The following FUT5 variants were observed in gnomAD, a reference collection of about 807,000 sequenced individuals.
FUT5 encodes the protein fucosyltransferase 5, also known as 4-galactosyl-N-acetylglucosaminide 3-alpha-L-fucosyltransferase FUT5.
FUT5 carries 1 observed loss-of-function variant against 0.8 expected under a neutral mutation model. The observed-to-expected ratio is 1.26, with a 90% CI of 0.45 to 5.99. The LOEUF is 5.99. FUT5 is among the 30% of genes most tolerant of loss of function. The pLI is 0.15. For missense variants in FUT5, 437 were observed against 517.8 expected, an observed-to-expected ratio of 0.84 and a Z score of 1.51; for synonymous variants, 212 against 225.7, an observed-to-expected ratio of 0.94 and a Z score of 0.54.
In FUT5 at chr19:5,867,179, C is replaced by G. The variant is rs62625020; in HGVS notation, c.547G>C (p.Gly183Arg). 8.2e-5 allele frequency: 132 copies of G among 1,612,336 alleles called. No homozygotes were observed. The highest frequency in any genetic ancestry group is 1.1e-4 in the Non-Finnish European group (124 of 1,179,780). Residue 183 changes from glycine to arginine, a missense_variant, in exon 2 of 2, where the codon GGC (glycine) becomes CGC (arginine). Gly to Arg is a moderately radical substitution (Grantham distance 125). This residue lies in a region of FUT5 where 176 missense variants were observed against 275.2 expected (regional missense o/e 0.64). Transcript: ENST00000588525. The surrounding 1 kb of genome is among the most constrained non-coding windows in gnomAD (Gnocchi z 5.0). ...RSDSDIFTPY[G>R]WLEPWSGQPA... ...TGGCCGGACCACGGCTCCAGCCAGC[C>G]GTAGGGCGTGAAGATGTCGGAGTCG...
At position 5,866,701 on chromosome 19, in the gene FUT5, C is replaced by G. The variant is rs757206885; in HGVS notation, c.1025G>C (p.Arg342Pro). ...YFHWRETLRP[R>P]SFSWALAFCK... ...GAAAGCCAGTGCCCAGCTGAAGGAG[C>G]GAGGCCGCAGCGTCTCCCGCCAGTG... The change falls in exon 2 of 2, where the codon CGC (arginine) becomes CCC (proline). Residue 342 changes from arginine (R) to proline (P), a missense_variant. Physicochemically the swap from Arg to Pro is moderately radical, Grantham distance 103 (BLOSUM62 -2). Transcript: ENST00000588525. This position sits in a 1 kb window ranked among gnomAD's most constrained non-coding sequence, Gnocchi z 4.9. 3 of 1,611,384 alleles carry G rather than the reference C, an allele frequency of 1.9e-6. No individual in the cohort carries two copies. Among genetic ancestry groups the G allele is most frequent in the Non-Finnish European group, 2.5e-6 (3 of 1,179,814 alleles).
At chr19:5,869,503 G>A (rs547970869) in intron 1 of FUT5, among the ~76,000 whole-genome samples, 6 of 151,602 alleles carry the variant, frequency 4.0e-5, no homozygotes, top group African/African-American at 9.7e-5. Flanking sequence ...CACCTGCCTC[G>A]GCCTCCCAAA....
Position 5,866,527 on chromosome 19 carries a change from C to G in FUT5, c.*74G>C. 2.5e-6 allele frequency: 4 copies of G among 1,609,292 alleles called. No individual in the cohort carries two copies. The highest frequency in any genetic ancestry group is 3.4e-6 in the Non-Finnish European group (4 of 1,177,994). On this transcript the variant is annotated 3_prime_UTR_variant, in exon 2 of 2. Coordinates refer to ENST00000588525, the MANE Select transcript of FUT5 (RefSeq NM_002034.2). This position sits in a 1 kb window ranked among gnomAD's most constrained non-coding sequence, Gnocchi z 4.9. ...CGAGGCCCCAGGTAGGTAAATCCCC[C>G]GACTAGTGAGACCCTAGGTAGGTGA...
rs944752299 is a variant in FUT5 at position 5,866,291 on chromosome 19, C to G, written c.*310G>C. 5.8e-6 allele frequency: 3 copies of G among 516,904 alleles called. No homozygotes were observed. In the East Asian group the frequency reaches 1.1e-4, roughly 19 times the overall value. The allele number at this position is 516,904 out of a possible 1,614,324, so 32.0% of individuals were successfully genotyped here. A position where few individuals can be genotyped will look rare whatever the true frequency, so the allele number is the denominator to read the frequency against. On this transcript the variant is annotated 3_prime_UTR_variant, in exon 2 of 2. Coordinates refer to ENST00000588525, the MANE Select transcript of FUT5 (RefSeq NM_002034.2). This position sits in a 1 kb window ranked among gnomAD's most constrained non-coding sequence, Gnocchi z 4.9. ...CCCAGCAGGTAAAGTCCCCAACAGC[C>G]GAGATCCTCAGTAGGTGCAGCCTCC...
At chr19:5,868,616 C>G (rs1471376613) in intron 1 of FUT5, among the ~76,000 whole-genome samples, 1 of 152,184 alleles carries the variant, frequency 6.6e-6, no homozygotes, top group Non-Finnish European at 1.5e-5. Flanking sequence ...GGGCAGATCA[C>G]CTGAGGTCAG....
Position 5,866,673 on chromosome 19 carries a change from G to A in FUT5, c.1053C>T (p.Cys351=). 1 of 1,612,826 alleles carries A rather than the reference G, an allele frequency of 6.2e-7. No individual in the cohort carries two copies. Among genetic ancestry groups the A allele is most frequent in the African/African-American group, 1.3e-5 (1 of 74,916 alleles). The stretch of plus-strand genomic sequence containing the variant: ...CCTGCTGCAGCTTCCAGCAGGCCTT[G>A]CAGAAAGCCAGTGCCCAGCTGAAGG... ...PRSFSWALAF[C]KACWKLQQES... Residue 351 remains cysteine (C), a synonymous_variant, in exon 2 of 2, where the codon TGC becomes TGT. Coordinates refer to ENST00000588525, the MANE Select transcript of FUT5 (RefSeq NM_002034.2). The surrounding 1 kb of genome is among the most constrained non-coding windows in gnomAD (Gnocchi z 4.9).
intron 1 of FUT5, among the ~76,000 whole-genome samples, chr19:5,869,535 G>C (rs2057516545): frequency 6.6e-6 from 1 of 152,056 alleles, no homozygotes; most frequent in South Asian, 2.1e-4. Flanking sequence ...ACAGGTGTGA[G>C]CCACCACACC....
chr19:5,866,628 C>A lies in FUT5; in HGVS notation c.1098G>T (p.Val366=), dbSNP rs2057504086. The part of the protein sequence containing the change: ...KLQQESRYQT[V]RSIAAWFT Reference sequence around the variant, plus strand: ...AGGTGAACCAAGCCGCTATGCTGCGCACCGTCTGGTACCTAGATTCCTGCT... The same window carrying A: ...AGGTGAACCAAGCCGCTATGCTGCGAACCGTCTGGTACCTAGATTCCTGCT... Residue 366 remains valine, a synonymous_variant, in exon 2 of 2, where the codon GTG becomes GTT. Transcript: ENST00000588525. This position sits in a 1 kb window ranked among gnomAD's most constrained non-coding sequence, Gnocchi z 4.9. The A allele has an allele frequency of 6.2e-7, 1 of 1,613,178 alleles. No homozygotes were observed. Among genetic ancestry groups the A allele is most frequent in the Non-Finnish European group, 8.5e-7 (1 of 1,179,908 alleles).
At position 5,866,583 on chromosome 19, in the gene FUT5, A is replaced by G; in HGVS notation, c.*18T>C. 1 of 1,613,108 alleles carries G rather than the reference A, an allele frequency of 6.2e-7. No homozygotes were observed. Among genetic ancestry groups the G allele is most frequent in the Non-Finnish European group, 8.5e-7 (1 of 1,180,008 alleles). ...TGGGAAAGTGAGGTCCCGGCAGCCC[A>G]GGCCCCATGCCGGCCTCTCAGGTGA... On this transcript the variant is annotated 3_prime_UTR_variant, in exon 2 of 2. Coordinates refer to ENST00000588525, the MANE Select transcript of FUT5 (RefSeq NM_002034.2). The surrounding 1 kb of genome is among the most constrained non-coding windows in gnomAD (Gnocchi z 4.9).
Position 5,867,482 on chromosome 19 carries a change from T to C in FUT5, c.244A>G (p.Thr82Ala), listed in dbSNP as rs1384533453. The C allele has an allele frequency of 2.0e-6, 2 of 990,350 alleles. No homozygotes were observed. The highest frequency in any genetic ancestry group is 2.5e-5 in the South Asian group (2 of 79,890). The allele number at this position is 990,350 out of a possible 1,614,324, so 61.3% of individuals were successfully genotyped here. ...AHPTLLILLW[T>A]WPFNTPVALP... is the part of the protein sequence containing the mutation. ...GCCACGGGTGTGTTAAAAGGCCACG[T>C]CCACAGCAGGATCAGTAGGGTGGGG... Residue 82 changes from threonine to alanine, a missense_variant, in exon 2 of 2, where the codon ACG becomes GCG. Physicochemically the swap from Thr to Ala is moderately conservative, Grantham distance 58 (BLOSUM62 0). Coordinates refer to ENST00000588525, the MANE Select transcript of FUT5 (RefSeq NM_002034.2). The surrounding 1 kb of genome is among the most constrained non-coding windows in gnomAD (Gnocchi z 5.0).
At position 5,866,307 on chromosome 19, in the gene FUT5, T is replaced by C; in HGVS notation, c.*294A>G. 1 of 553,350 alleles carries C rather than the reference T, an allele frequency of 1.8e-6. No homozygotes were observed. Among genetic ancestry groups the C allele is most frequent in the East Asian group, 3.2e-5 (1 of 30,866 alleles). 34.3% of individuals were successfully genotyped at this position (553,350 alleles called of 1,614,324 possible). On this transcript the variant is annotated 3_prime_UTR_variant, in exon 2 of 2. Coordinates refer to ENST00000588525, the MANE Select transcript of FUT5 (RefSeq NM_002034.2). This position sits in a 1 kb window ranked among gnomAD's most constrained non-coding sequence, Gnocchi z 4.9. ...CCCAACAGCCGAGATCCTCAGTAGG[T>C]GCAGCCTCCAGAAAGCAAGGTCCCC...
rs113274645 is a variant in FUT5 at position 5,866,514 on chromosome 19, T to C, written c.*87A>G. Reference sequence around the variant, plus strand: ...GGCCCCAGGCAGCCGAGGCCCCAGGTAGGTAAATCCCCCGACTAGTGAGAC... The same window carrying C: ...GGCCCCAGGCAGCCGAGGCCCCAGGCAGGTAAATCCCCCGACTAGTGAGAC... On this transcript the variant is annotated 3_prime_UTR_variant, in exon 2 of 2. Transcript: ENST00000588525. This position sits in a 1 kb window ranked among gnomAD's most constrained non-coding sequence, Gnocchi z 4.9. 9.7e-3 allele frequency: 15,543 copies of C among 1,602,318 alleles called. 89 individuals are homozygous for C. The highest frequency in any genetic ancestry group is 0.016 in the East Asian group (715 of 44,798).
Position 5,867,876 on chromosome 19 carries a change from T to C in FUT5, c.-12-139A>G. The stretch of plus-strand genomic sequence containing the variant: ...CAGTACCCCTGAGTTGAGGATTGAA[T>C]TTATAACTCTGACAGGGAAGGGTAC... On this transcript the variant is annotated intron_variant, in intron 1 of 1. Coordinates refer to ENST00000588525, the MANE Select transcript of FUT5 (RefSeq NM_002034.2). This position sits in a 1 kb window ranked among gnomAD's most constrained non-coding sequence, Gnocchi z 5.0. 1.1e-6 allele frequency: 1 copy of C among 898,470 alleles called. No individual in the cohort carries two copies. The highest frequency in any genetic ancestry group is 1.8e-6 in the Non-Finnish European group (1 of 569,874). 55.7% of individuals were successfully genotyped at this position (898,470 alleles called of 1,614,324 possible).
chr19:5,868,399 C>T (rs2057512962), intron 1 of FUT5, among the ~76,000 whole-genome samples: 1 of 152,118 alleles, frequency 6.6e-6, no homozygotes, highest in Admixed American at 6.6e-5. Context: ...GAAGAAAAAC[C>T]TTCAAAGAGG....
rs765715050 is a variant in FUT5 at position 5,867,809 on chromosome 19, G to A, written c.-12-72C>T. ...CACTTCCTGGCCACGTGTCCTGAGA[G>A]AAGCTGTTATAATTTATGACACAGC... is the stretch of plus-strand genomic sequence containing the variant. On this transcript the variant is annotated intron_variant, in intron 1 of 1. Coordinates refer to ENST00000588525, the MANE Select transcript of FUT5 (RefSeq NM_002034.2). The surrounding 1 kb of genome is among the most constrained non-coding windows in gnomAD (Gnocchi z 5.0). The A allele has an allele frequency of 1.1e-4, 170 of 1,496,856 alleles. No homozygotes were observed. The highest frequency in any genetic ancestry group is 3.5e-4 in the Middle Eastern group (2 of 5,774). 92.7% of individuals were successfully genotyped at this position (1,496,856 alleles called of 1,614,324 possible).
At position 5,867,393 on chromosome 19, in the gene FUT5, A is replaced by G; in HGVS notation, c.333T>C (p.Ser111=). The part of the protein sequence containing the change: ...AADCNITADS[S]VYPQADAVIV... Reference sequence around the variant, plus strand: ...TGACCGCGTCTGCCTGTGGGTACACACTGGAGTCGGCAGTGATGTTGCAGT... The same window carrying G: ...TGACCGCGTCTGCCTGTGGGTACACGCTGGAGTCGGCAGTGATGTTGCAGT... The change falls in exon 2 of 2, where the codon AGT becomes AGC. Residue 111 remains serine (S), a synonymous_variant. Coordinates refer to ENST00000588525, the MANE Select transcript of FUT5 (RefSeq NM_002034.2). This position sits in a 1 kb window ranked among gnomAD's most constrained non-coding sequence, Gnocchi z 5.0. 3.7e-6 allele frequency: 6 copies of G among 1,613,868 alleles called. No homozygotes were observed. Among genetic ancestry groups the G allele is most frequent in the Non-Finnish European group, 4.2e-6 (5 of 1,180,002 alleles).
chr19:5,866,421 G>A lies in FUT5; in HGVS notation c.*180C>T, dbSNP rs933472032. ...GCCCGGCAAGTGAAATCCCAGGTAAGTCACATGCCTGGCCACCAAAGACTC... is the reference window on the plus strand; with the variant it reads ...GCCCGGCAAGTGAAATCCCAGGTAAATCACATGCCTGGCCACCAAAGACTC... On this transcript the variant is annotated 3_prime_UTR_variant, in exon 2 of 2. Transcript: ENST00000588525. The surrounding 1 kb of genome is among the most constrained non-coding windows in gnomAD (Gnocchi z 4.9). 1.2e-5 allele frequency: 12 copies of A among 993,464 alleles called. No individual in the cohort carries two copies. The Admixed American group carries it at 2.5e-4, about 21-fold the overall frequency. 61.5% of individuals were successfully genotyped at this position (993,464 alleles called of 1,614,324 possible). A position where few individuals can be genotyped will look rare whatever the true frequency, so the allele number is the denominator to read the frequency against.
In FUT5 at chr19:5,867,078, G is replaced by T. The variant is rs1237078760; in HGVS notation, c.648C>A (p.Asp216Glu). 3 of 1,613,542 alleles carry T rather than the reference G, an allele frequency of 1.9e-6. No homozygotes were observed. In the Admixed American group the frequency reaches 5.0e-5, roughly 27 times the overall value. The change falls in exon 2 of 2, where the codon GAC (aspartate) becomes GAA (glutamate). Residue 216 changes from aspartate to glutamate, a missense_variant. Asp to Glu is a conservative substitution (Grantham distance 45). Transcript: ENST00000588525. The surrounding 1 kb of genome is among the most constrained non-coding windows in gnomAD (Gnocchi z 5.0). Reference protein sequence around the residue: ...VAWAVSNWKPDSARVRYYQSL... With the variant: ...VAWAVSNWKPESARVRYYQSL... ...TCTGGTAGTAGCGCACCCTGGCCGA[G>T]TCCGGCTTCCAGTTGGACACCGCCC...
At chr19:5,869,289 T>A (rs2057515824) in intron 1 of FUT5, among the ~76,000 whole-genome samples, 1 of 149,002 alleles carries the variant, frequency 6.7e-6, no homozygotes, top group African/African-American at 2.5e-5. Flanking sequence ...TTTTTTTTTT[T>A]TTTTTTTTTT....
Sources: allele counts gnomAD v4.1 joint callset (sites outside exome capture counted in the v4.1 genomes callset), GRCh38; gene constraint gnomAD v4.1.1; regional missense constraint gnomAD v4.1.1; non-coding constraint Gnocchi (gnomAD v3.1); transcripts MANE v1.5; gene names NCBI Gene and HGNC (gene_info 2026-07-23, HGNC 2026-07-21).